CACNA2D4: variants seen among roughly 807,000 people sequenced by gnomAD.
CACNA2D4 encodes calcium voltage-gated channel auxiliary subunit alpha2delta 4.
In CACNA2D4, 157 loss-of-function variants were observed where a neutral mutation model predicts 163.8. The observed-to-expected ratio is 0.96, with a 90% CI of 0.84 to 1.09. CACNA2D4 has a LOEUF of 1.09. CACNA2D4 is among the 50% of genes least tolerant of loss of function. The probability of loss-of-function intolerance (pLI) is 0.00; values close to 1 mark genes in which losing one functional copy is unlikely to be tolerated. For missense variants in CACNA2D4, 1,410 were observed against 1,479.9 expected, an observed-to-expected ratio of 0.95 and a Z score of 0.78; for synonymous variants, 598 against 586.9, an observed-to-expected ratio of 1.02 and a Z score of -0.27.
chr12:1,880,912 T>C (rs1865980111), intron 13 of CACNA2D4, among the ~76,000 whole-genome samples: 2 of 152,230 alleles, frequency 1.3e-5, no homozygotes, highest in South Asian at 2.1e-4. Flanking sequence ...TCCCAGGCTC[T>C]TGGAGGCCCC....
chr12:1,854,445 G>T (rs1252481109), intron 22 of CACNA2D4, among the ~76,000 whole-genome samples: 3 of 152,030 alleles, frequency 2.0e-5, no homozygotes, highest in Admixed American at 2.0e-4. Flanking sequence ...TCATTCTGTT[G>T]CCCAGGCTGG....
Position 1,918,202 on chromosome 12 carries a change from A to C in CACNA2D4, c.227+45T>G, listed in dbSNP as rs765285864. 12 of 1,436,850 alleles carry C rather than the reference A, an allele frequency of 8.4e-6. No individual in the cohort carries two copies. The Admixed American group carries it at 2.4e-4, about 29-fold the overall frequency. 89.0% of individuals were successfully genotyped at this position (1,436,850 alleles called of 1,614,324 possible). A position where few individuals can be genotyped will look rare whatever the true frequency, so the allele number is the denominator to read the frequency against. ...AGGCCCAGCCCGGGAAGAAAGTGGGAAAGGGTGACCGGGTTTTTGGGGTGG... is the reference window on the plus strand; with the variant it reads ...AGGCCCAGCCCGGGAAGAAAGTGGGCAAGGGTGACCGGGTTTTTGGGGTGG... On this transcript the variant is annotated intron_variant, in intron 1 of 37. Transcript: ENST00000382722.
chr12:1,907,332 C>A (rs1866682914), intron 6 of CACNA2D4, 108 bp downstream of exon 6: 2 of 1,043,630 alleles, frequency 1.9e-6, no homozygotes, highest in East Asian at 5.0e-5. Context: ...GATAGGAGGA[C>A]CAGCCCCATT....
intron 26 of CACNA2D4, chr12:1,831,523 G>C: frequency 6.2e-7 from 1 of 1,610,936 alleles, no homozygotes; most frequent in Non-Finnish European, 8.5e-7. Context: ...TTCTCCTACC[G>C]AGGTGAGCGC....
intron 13 of CACNA2D4, among the ~76,000 whole-genome samples, chr12:1,882,577 G>C (rs181078144): frequency 6.6e-6 from 1 of 152,314 alleles, no homozygotes; most frequent in African/African-American, 2.4e-5. Flanking sequence ...GGACTGTGGA[G>C]GAGGAGGAAG....
At chr12:1,796,186 C>T (rs940739915) in intron 35 of CACNA2D4, among the ~76,000 whole-genome samples, 9 of 152,194 alleles carry the variant, frequency 5.9e-5, no homozygotes, top group African/African-American at 2.2e-4. Flanking sequence ...TGGAGCTTGG[C>T]CACCAGGTGG....
intron 18 of CACNA2D4, among the ~76,000 whole-genome samples, chr12:1,871,884 T>C (rs1366380132): frequency 6.6e-6 from 1 of 152,242 alleles, no homozygotes; most frequent in African/African-American, 2.4e-5. Context: ...TTGCTAATTA[T>C]TGTTTGAAAT....
chr12:1,887,929 A>G (rs937135081), intron 6 of CACNA2D4, among the ~76,000 whole-genome samples: 1 of 152,224 alleles, frequency 6.6e-6, no homozygotes, highest in African/African-American at 2.4e-5. Flanking sequence ...CAGATGACAT[A>G]CACCCTTTGA....
chr12:1,807,675 A>C (rs1313463661), intron 29 of CACNA2D4, among the ~76,000 whole-genome samples: 2 of 151,924 alleles, frequency 1.3e-5, no homozygotes, highest in African/African-American at 2.4e-5. Context: ...ACGGTTACCC[A>C]GTGTCTGCTG....
chr12:1,839,358 G>A (rs1864961124), intron 26 of CACNA2D4, among the ~76,000 whole-genome samples: 1 of 152,228 alleles, frequency 6.6e-6, no homozygotes, highest in African/African-American at 2.4e-5. Flanking sequence ...CTTCATCGCA[G>A]GGACCTGATC....
Position 1,799,694 on chromosome 12 carries a change from G to T in CACNA2D4, c.2976C>A (p.Ala992=), listed in dbSNP as rs1373227404. ...WGSWYDRGAE[A]KSVFHHSHKH... Reference sequence around the variant, plus strand: ...ACTTACAGTGATGGAAGACACTTTTGGCTGGCCGGAACATAAGCCCAGCAC... The same window carrying T: ...ACTTACAGTGATGGAAGACACTTTTTGCTGGCCGGAACATAAGCCCAGCAC... The change falls in exon 34 of 38, where the codon GCC becomes GCA. Residue 992 remains alanine (A), a splice_region_variant and synonymous_variant. Coordinates refer to ENST00000382722, the MANE Select transcript of CACNA2D4 (RefSeq NM_172364.5). The surrounding 1 kb of genome is among the most constrained non-coding windows in gnomAD (Gnocchi z 4.7). 1 of 1,571,822 alleles carries T rather than the reference G, an allele frequency of 6.4e-7. No homozygotes were observed. Among genetic ancestry groups the T allele is most frequent in the Non-Finnish European group, 8.6e-7 (1 of 1,158,904 alleles).
intron 29 of CACNA2D4, among the ~76,000 whole-genome samples, chr12:1,807,265 A>G (rs1376521882): frequency 6.6e-6 from 1 of 151,410 alleles, no homozygotes; most frequent in Admixed American, 6.6e-5. Flanking sequence ...GCCCTGGAGG[A>G]CCTCAATGCT....
intron 35 of CACNA2D4, among the ~76,000 whole-genome samples, chr12:1,796,326 G>A (rs1043216642): frequency 7.9e-5 from 12 of 152,244 alleles, no homozygotes; most frequent in Non-Finnish European, 5.9e-5. Context: ...CCCTGGGATG[G>A]GCGGTCTCAC....
At position 1,800,379 on chromosome 12, in the gene CACNA2D4, C is replaced by G. The variant is rs202022529; in HGVS notation, c.2921+7G>C. On this transcript the variant is annotated splice_region_variant and intron_variant, in intron 32 of 37. Coordinates refer to ENST00000382722, the MANE Select transcript of CACNA2D4 (RefSeq NM_172364.5). Reference sequence around the variant, plus strand: ...CCTCCACCAGCCCCGTGTCTACCCCCACTCACAGCACCAGCTCCTGCAGCA... The same window carrying G: ...CCTCCACCAGCCCCGTGTCTACCCCGACTCACAGCACCAGCTCCTGCAGCA... The G allele has an allele frequency of 4.8e-4, 770 of 1,613,880 alleles. 3 individuals are homozygous for G. In the African/African-American group the frequency reaches 9.0e-3, roughly 19 times the overall value.
chr12:1,915,074 C>T, intron 1 of CACNA2D4, 139 bp from the exon 2 acceptor site: 1 of 724,502 alleles, frequency 1.4e-6, no homozygotes, highest in South Asian at 1.5e-5. Context: ...CATACTCCAA[C>T]ACACAGACAC....
In CACNA2D4 at chr12:1,834,964, G is replaced by A. The variant is rs1166897429; in HGVS notation, c.2551+5775C>T. 1.5e-6 allele frequency: 1 copy of A among 678,756 alleles called. No individual in the cohort carries two copies. The highest frequency in any genetic ancestry group is 2.3e-6 in the Non-Finnish European group (1 of 425,902). The allele number at this position is 678,756 out of a possible 1,614,324, so 42.0% of individuals were successfully genotyped here. A position where few individuals can be genotyped will look rare whatever the true frequency, so the allele number is the denominator to read the frequency against. On this transcript the variant is annotated intron_variant, in intron 26 of 37. Transcript: ENST00000382722. This position sits in a 1 kb window ranked among gnomAD's most constrained non-coding sequence, Gnocchi z 7.6. The stretch of plus-strand genomic sequence containing the variant: ...CCAGTAAATCTTTGGAACATGTGGG[G>A]GATCTCCCTAAGCTCTGGCCACAGC...
intron 26 of CACNA2D4, among the ~76,000 whole-genome samples, chr12:1,816,437 T>TTCCTGCCCCAGCGGGCC (rs58581206): frequency 6.6e-6 from 1 of 152,184 alleles, no homozygotes; most frequent in African/African-American, 2.4e-5. Flanking sequence ...CTCAGACCCC[T>TTCCTGCCCCAGCGGGCC]TCCTGCCCCA....
Position 1,829,289 on chromosome 12 carries a change from G to T in CACNA2D4, c.2551+11450C>A, listed in dbSNP as rs192171396. Among the ~76,000 whole-genome samples the T allele has an allele frequency of 2.8e-3, 427 of 152,282 alleles. No homozygotes were observed. The highest frequency in any genetic ancestry group is 7.5e-3 in the South Asian group (36 of 4,828). On this transcript the variant is annotated intron_variant, in intron 26 of 37. Coordinates refer to ENST00000382722, the MANE Select transcript of CACNA2D4 (RefSeq NM_172364.5). This position sits in a 1 kb window ranked among gnomAD's most constrained non-coding sequence, Gnocchi z 4.2. ...TTTTGAGAGGGAGCTGAATGCGTTG[G>T]ATTTTATTTCCTGGGGAAAGTCAAG...
chr12:1,811,630 C>T (rs1863712610), intron 27 of CACNA2D4, 32 bp downstream of exon 27: 2 of 1,553,996 alleles, frequency 1.3e-6, no homozygotes, highest in Non-Finnish European at 1.7e-6. Context: ...TGGTGAGTCC[C>T]CAGCCCCGAC....
Sources: gnomAD v4.1 joint callset for allele counts (sites outside exome capture counted in the v4.1 genomes callset) on GRCh38, gnomAD v4.1.1 for gene constraint, Gnocchi (gnomAD v3.1) non-coding constraint, MANE v1.5 for transcripts, NCBI Gene and HGNC (gene_info 2026-07-23, HGNC 2026-07-21) for gene names.